PIK3CD: variants seen among roughly 807,000 people sequenced by gnomAD.
PIK3CD encodes phosphatidylinositol-4,5-bisphosphate 3-kinase catalytic subunit delta, also known as phosphatidylinositol 4,5-bisphosphate 3-kinase catalytic subunit delta isoform.
A neutral mutation model predicts 122.9 loss-of-function variants in PIK3CD; 20 were observed. The ratio of observed to expected loss-of-function variants is 0.16; its 90% CI spans 0.11 to 0.24. The LOEUF (loss-of-function observed/expected upper bound fraction) is 0.24. PIK3CD is among the 10% of genes least tolerant of loss of function. The pLI is 1.00. For missense variants in PIK3CD, 787 were observed against 1,406.3 expected (o/e 0.56, Z 7.04); for synonymous variants, 596 against 593.4 (o/e 1.00, Z -0.06).
intron 2 of PIK3CD, among the ~76,000 whole-genome samples, chr1:9,707,855 G>A (rs1157348208): frequency 2.7e-5 from 4 of 150,550 alleles, no homozygotes; most frequent in South Asian, 2.1e-4. Context: ...GTACAGTGGC[G>A]CGATCTCGGC....
At chr1:9,716,310 C>T in intron 5 of PIK3CD, 130 bp from the exon 6 acceptor site, 1 of 951,544 alleles carries the variant, frequency 1.1e-6, no homozygotes, top group South Asian at 1.4e-5. Context: ...ATTCTTTGAA[C>T]AAATATTTCC....
At chr1:9,716,234 C>A in intron 5 of PIK3CD, 156 bp downstream of exon 5, 1 of 826,300 alleles carries the variant, frequency 1.2e-6, no homozygotes, top group South Asian at 1.5e-5. Flanking sequence ...AACTGAACGT[C>A]CCCCCAGGCA....
At position 9,727,391 on chromosome 1, in the gene PIK3CD, G is replaced by A; in HGVS notation, c.*345G>A. On this transcript the variant is annotated 3_prime_UTR_variant, in exon 24 of 24. Coordinates refer to ENST00000377346, the MANE Select transcript of PIK3CD (RefSeq NM_005026.5). ...AACCTTCTTCCCAGGCCTCCCGCCA[G>A]ACTGCCTGGGTCCTGGCGCCTGGCG... 1 of 432,506 alleles carries A rather than the reference G, an allele frequency of 2.3e-6. No individual in the cohort carries two copies. The highest frequency in any genetic ancestry group is 3.6e-5 in the Admixed American group (1 of 27,976). 26.8% of individuals were successfully genotyped at this position (432,506 alleles called of 1,614,324 possible). A position where few individuals can be genotyped will look rare whatever the true frequency, so the allele number is the denominator to read the frequency against.
At chr1:9,666,658 A>C (rs1329406791) in intron 1 of PIK3CD, among the ~76,000 whole-genome samples, 1 of 152,102 alleles carries the variant, frequency 6.6e-6, no homozygotes, top group Non-Finnish European at 1.5e-5. Context: ...CCTGGGCAAC[A>C]TAGTGAGACC....
At chr1:9,640,453 G>A in the PIK3CD span, among the ~76,000 whole-genome samples, 1 of 150,494 alleles carries the variant, frequency 6.6e-6, no homozygotes, top group African/African-American at 2.5e-5. Context: ...GGTGGTGGGC[G>A]CCTGTAATCC....
chr1:9,699,955 C>A (rs1646565767), intron 2 of PIK3CD, among the ~76,000 whole-genome samples: 1 of 152,146 alleles, frequency 6.6e-6, no homozygotes, highest in African/African-American at 2.4e-5. Context: ...TTGCTGGATC[C>A]TTCTCTCACT....
chr1:9,684,579 G>A (rs1645893669), intron 1 of PIK3CD, among the ~76,000 whole-genome samples: 1 of 150,796 alleles, frequency 6.6e-6, no homozygotes, highest in African/African-American at 2.4e-5. Flanking sequence ...ATGCAGTTGG[G>A]TGTGATGGCT....
chr1:9,699,605 T>C (rs1196069967), intron 2 of PIK3CD, among the ~76,000 whole-genome samples: 1 of 151,956 alleles, frequency 6.6e-6, no homozygotes, highest in Non-Finnish European at 1.5e-5. Context: ...ACTTTCTTTT[T>C]TTTTTTTTGA....
chr1:9,633,931 T>C, the PIK3CD span, among the ~76,000 whole-genome samples: 1 of 152,020 alleles, frequency 6.6e-6, no homozygotes, highest in Non-Finnish European at 1.5e-5. Context: ...CCTGTGGCTC[T>C]TTCCAGATAT....
In PIK3CD at chr1:9,723,370, A is replaced by G. The variant is rs1570396470; in HGVS notation, c.2594+78A>G. ...TGGGAGGGCCTCGCCTGTCAGAACA[A>G]AGGAGCGGGGAGGGGCCTCAGACCA... On this transcript the variant is annotated intron_variant, in intron 20 of 23. Coordinates refer to ENST00000377346, the MANE Select transcript of PIK3CD (RefSeq NM_005026.5). This position sits in a 1 kb window ranked among gnomAD's most constrained non-coding sequence, Gnocchi z 4.9. The G allele has an allele frequency of 1.8e-5, 27 of 1,471,320 alleles. No homozygotes were observed. Among genetic ancestry groups the G allele is most frequent in the Non-Finnish European group, 2.5e-5 (26 of 1,051,272 alleles). The allele number at this position is 1,471,320 out of a possible 1,614,324, so 91.1% of individuals were successfully genotyped here.
the PIK3CD span, among the ~76,000 whole-genome samples, chr1:9,632,935 C>G: frequency 6.6e-6 from 1 of 150,776 alleles, no homozygotes; most frequent in African/African-American, 2.4e-5. Context: ...CATCTCGGCT[C>G]ACTGCAAGCT....
intron 2 of PIK3CD, among the ~76,000 whole-genome samples, chr1:9,695,810 C>T (rs1345678493): frequency 6.7e-6 from 1 of 148,408 alleles, no homozygotes. Flanking sequence ...CCACTGCACT[C>T]TCCAGCCTGG....
rs141904880 is a variant in PIK3CD, at chr1:9,687,061, G to A, written c.-137-4406G>A. ...TCAAAGAATCTTGGATTTTTCTCTG[G>A]GCTCCAGAGACACCCGTGCCTGACA... On this transcript the variant is annotated intron_variant, in intron 1 of 23. Coordinates refer to ENST00000377346, the MANE Select transcript of PIK3CD (RefSeq NM_005026.5). 1.2e-3 allele frequency among the ~76,000 whole-genome samples: 184 copies of A among 152,178 alleles called. 2 individuals carry two copies. The Middle Eastern group carries it at 0.02, about 17-fold the overall frequency.
At chr1:9,686,132 T>C (rs1278947555) in intron 1 of PIK3CD, among the ~76,000 whole-genome samples, 4 of 152,164 alleles carry the variant, frequency 2.6e-5, no homozygotes, top group African/African-American at 9.6e-5. Flanking sequence ...CTAGGGCTCC[T>C]TGAAGGGAAC....
intron 2 of PIK3CD, among the ~76,000 whole-genome samples, chr1:9,698,346 T>C (rs887394560): frequency 1.3e-5 from 2 of 152,192 alleles, no homozygotes; most frequent in African/African-American, 4.8e-5. Context: ...TTCACCACGT[T>C]GGTCAGGCTG....
chr1:9,681,649 G>A (rs1387626540), intron 1 of PIK3CD, among the ~76,000 whole-genome samples: 5 of 152,110 alleles, frequency 3.3e-5, no homozygotes, highest in Non-Finnish European at 4.4e-5. Flanking sequence ...CAATCTGCTC[G>A]CCTCCCCGCC....
Position 9,700,406 on chromosome 1 carries a change from G to A in PIK3CD, c.-33+8835G>A, listed in dbSNP as rs541196383. 8.5e-5 allele frequency among the ~76,000 whole-genome samples: 13 copies of A among 152,196 alleles called. No individual in the cohort carries two copies. Among genetic ancestry groups the A allele is most frequent in the Non-Finnish European group, 1.6e-4 (11 of 68,028 alleles). On this transcript the variant is annotated intron_variant, in intron 2 of 23. Coordinates refer to ENST00000377346, the MANE Select transcript of PIK3CD (RefSeq NM_005026.5). The surrounding 1 kb of genome is among the most constrained non-coding windows in gnomAD (Gnocchi z 5.1). Reference sequence around the variant, plus strand: ...AGAACCCCATGTGCGGGAGGGCTCCGCTTTGCACAGCTGTTTCTGTGGATC... The same window carrying A: ...AGAACCCCATGTGCGGGAGGGCTCCACTTTGCACAGCTGTTTCTGTGGATC...
chr1:9,645,308 C>T, the PIK3CD span, among the ~76,000 whole-genome samples: 1 of 151,728 alleles, frequency 6.6e-6, no homozygotes, highest in African/African-American at 2.4e-5. Flanking sequence ...CGTGAGCCAC[C>T]GCTTGCCCAG....
chr1:9,638,777 A>ATTT, the PIK3CD span, among the ~76,000 whole-genome samples: 134 of 116,994 alleles, frequency 1.1e-3, 2 homozygotes, highest in African/African-American at 2.8e-3. Flanking sequence ...CTTTTGCAAG[A>ATTT]TTTTTTTTTT....
Sources: allele counts gnomAD v4.1 joint callset (sites outside exome capture counted in the v4.1 genomes callset), GRCh38; gene constraint gnomAD v4.1.1; non-coding constraint Gnocchi (gnomAD v3.1); transcripts MANE v1.5; gene names NCBI Gene and HGNC (gene_info 2026-07-23, HGNC 2026-07-21).